MCMDC2: variants seen among roughly 807,000 people sequenced by gnomAD.
MCMDC2 encodes the protein minichromosome maintenance domain containing 2.
A neutral mutation model predicts 75.8 loss-of-function variants in MCMDC2; 54 were observed. The observed-to-expected ratio is 0.71, with a 90% confidence interval of 0.57 to 0.89. The LOEUF (loss-of-function observed/expected upper bound fraction) is 0.89, where lower values mean the gene tolerates loss of function less well. Ranked by LOEUF, MCMDC2 falls within the 40% of genes least tolerant of loss-of-function variation. The pLI is 0.00. For synonymous variants in MCMDC2, 249 were observed against 274.6 expected, an observed-to-expected ratio of 0.91 and a Z score of 0.92; for missense variants, 656 against 780.4, an observed-to-expected ratio of 0.84 and a Z score of 1.90.
At chr8:66,910,034 T>A (rs1351446585) in intron 14 of MCMDC2, among the ~76,000 whole-genome samples, 1 of 152,202 alleles carries the variant, frequency 6.6e-6, no homozygotes, top group Non-Finnish European at 1.5e-5. Flanking sequence ...CTTCAGAGGG[T>A]ACAAGCCCCA....
At chr8:66,905,730 G>C (rs1812879459) in intron 14 of MCMDC2, among the ~76,000 whole-genome samples, 1 of 152,138 alleles carries the variant, frequency 6.6e-6, no homozygotes, top group Non-Finnish European at 1.5e-5. Flanking sequence ...TCATCAGCTG[G>C]GTGTGGTGGC....
intron 14 of MCMDC2, among the ~76,000 whole-genome samples, chr8:66,907,689 G>A (rs528308165): frequency 3.2e-4 from 49 of 152,226 alleles, no homozygotes; most frequent in Non-Finnish European, 6.2e-4. Context: ...CAGTCCCACC[G>A]ACGGTGTAAA....
chr8:66,895,279 C>A (rs952769602), intron 10 of MCMDC2, among the ~76,000 whole-genome samples: 2 of 152,026 alleles, frequency 1.3e-5, no homozygotes, highest in Admixed American at 6.6e-5. Context: ...TGCAGACAGA[C>A]CCTTTGGATA....
chr8:66,925,808 C>T, downstream of MCMDC2, among the ~76,000 whole-genome samples: 1 of 152,172 alleles, frequency 6.6e-6, no homozygotes, highest in Non-Finnish European at 1.5e-5. Context: ...TAGAGCTAGT[C>T]AATGTTTAAT....
chr8:66,902,815 G>T (rs985023551), intron 13 of MCMDC2, among the ~76,000 whole-genome samples: 1 of 140,166 alleles, frequency 7.1e-6, no homozygotes, highest in Non-Finnish European at 1.5e-5. Context: ...ATAGAGAAAA[G>T]AACATTATGA....
rs534940963 is a variant in MCMDC2 at position 66,871,057 on chromosome 8, G to T, written c.-89+226G>T. Among the ~76,000 whole-genome samples the T allele has an allele frequency of 5.9e-5, 9 of 152,304 alleles. No individual in the cohort carries two copies. In the South Asian group the frequency reaches 1.9e-3, roughly 32 times the overall value. On this transcript the variant is annotated intron_variant, in intron 1 of 14. Coordinates refer to ENST00000422365, the MANE Select transcript of MCMDC2 (RefSeq NM_173518.5). Reference sequence around the variant, plus strand: ...CAACACTCGGCGTTCGTTAGACTAAGGGAAGACAGGGAGTTAGAATTTTAT... The same window carrying T: ...CAACACTCGGCGTTCGTTAGACTAATGGAAGACAGGGAGTTAGAATTTTAT...
rs779242086 is a variant in MCMDC2 at position 66,901,171 on chromosome 8, A to C, written c.1627-35A>C. On this transcript the variant is annotated intron_variant, in intron 12 of 14. Coordinates refer to ENST00000422365, the MANE Select transcript of MCMDC2 (RefSeq NM_173518.5). ...TTTCTGTTATATTGATTCCATAATA[A>C]AGCTTGATTATCTTGGATTTTTCAC... The C allele has an allele frequency of 7.3e-6, 11 of 1,503,540 alleles. No homozygotes were observed. The African/African-American group carries it at 9.6e-5, about 13-fold the overall frequency. The allele number at this position is 1,503,540 out of a possible 1,614,324, so 93.1% of individuals were successfully genotyped here.
chr8:66,899,041 A>G (rs1812497186), intron 12 of MCMDC2, among the ~76,000 whole-genome samples: 1 of 152,282 alleles, frequency 6.6e-6, no homozygotes, highest in Non-Finnish European at 1.5e-5. Flanking sequence ...AATAGTAAAA[A>G]GTGAAATAGT....
rs1378314327 is a variant in MCMDC2, at chr8:66,919,038, T to C, written c.1915T>C (p.Phe639Leu). 3.9e-6 allele frequency: 6 copies of C among 1,537,928 alleles called. No homozygotes were observed. Among genetic ancestry groups the C allele is most frequent in the South Asian group, 2.5e-5 (2 of 81,468 alleles). The stretch of plus-strand genomic sequence containing the variant: ...ATTTTGTGTTGCTCCGAATGCAGTA[T>C]TTCCATTTGAACTGTATAATGAAGA... Reference protein sequence around the residue: ...TVFCVAPNAVFPFELYNEEYL... With the variant: ...TVFCVAPNAVLPFELYNEEYL... The change falls in exon 15 of 15, where the codon TTT (phenylalanine) becomes CTT (leucine). Residue 639 changes from phenylalanine to leucine, a missense_variant. Physicochemically the swap from Phe to Leu is conservative, Grantham distance 22 (BLOSUM62 0). Transcript: ENST00000422365.
Position 66,874,351 on chromosome 8 carries a change from TC to T in MCMDC2, c.121del (p.Arg41AspfsTer5). ...NDSKQSYAVY[R>X]FKILINPSDV... Reference sequence around the variant, plus strand: ...ATTCAAAACAAAGCTATGCTGTCTATCGATTCAAAATTTTAATAAATCCCTC... The same window carrying T: ...ATTCAAAACAAAGCTATGCTGTCTATGATTCAAAATTTTAATAAATCCCTC... On this transcript the variant is annotated frameshift_variant, in exon 3 of 15. Coordinates refer to ENST00000422365, the MANE Select transcript of MCMDC2 (RefSeq NM_173518.5). LOFTEE classifies it high-confidence loss of function. The T allele has an allele frequency of 1.2e-6, 2 of 1,612,796 alleles. No homozygotes were observed. The highest frequency in any genetic ancestry group is 1.7e-6 in the Non-Finnish European group (2 of 1,179,656).
chr8:66,874,339 C>T lies in MCMDC2; in HGVS notation c.108C>T (p.Ser36=), dbSNP rs772584605. The change falls in exon 3 of 15, where the codon AGC becomes AGT. Residue 36 remains serine (S), a synonymous_variant. Coordinates refer to ENST00000422365, the MANE Select transcript of MCMDC2 (RefSeq NM_173518.5). ...ATATTTTCATAGATTCAAAACAAAG[C>T]TATGCTGTCTATCGATTCAAAATTT... is the stretch of plus-strand genomic sequence containing the variant. ...DCKYYNDSKQ[S]YAVYRFKILI... 28 of 1,611,374 alleles carry T rather than the reference C, an allele frequency of 1.7e-5. No homozygotes were observed. The highest frequency in any genetic ancestry group is 2.2e-5 in the Non-Finnish European group (26 of 1,179,092).
At chr8:66,910,810 A>C (rs1813083364) in intron 14 of MCMDC2, among the ~76,000 whole-genome samples, 1 of 141,530 alleles carries the variant, frequency 7.1e-6, no homozygotes, top group African/African-American at 2.6e-5. Flanking sequence ...ACTCCATCTC[A>C]AAAAAAAAAA....
intron 9 of MCMDC2, among the ~76,000 whole-genome samples, chr8:66,887,257 T>C (rs1174255176): frequency 1.3e-5 from 2 of 152,040 alleles, no homozygotes; most frequent in Admixed American, 1.3e-4. Context: ...AATCCTTGTC[T>C]GGCTGGGCGC....
At chr8:66,896,026 T>C (rs2130834329) in intron 10 of MCMDC2, 144 bp from the exon 11 acceptor site, 3 of 663,086 alleles carry the variant, frequency 4.5e-6, no homozygotes, top group South Asian at 2.3e-5. Flanking sequence ...ACTTAGAGCA[T>C]TGTCTTGCAA....
At position 66,885,195 on chromosome 8, in the gene MCMDC2, T is replaced by G. The variant is rs183328263; in HGVS notation, c.1073+1201T>G. ...AAAAATACAAAAAATTAGCCAGGTG[T>G]GGTGGCACGCGCCTGTAGTCCCAGC... On this transcript the variant is annotated intron_variant, in intron 9 of 14. Coordinates refer to ENST00000422365, the MANE Select transcript of MCMDC2 (RefSeq NM_173518.5). 3.0e-3 allele frequency among the ~76,000 whole-genome samples: 462 copies of G among 151,730 alleles called. 13 individuals carry two copies. The highest frequency in any genetic ancestry group is 0.028 in the Admixed American group (421 of 15,234).
In MCMDC2 at chr8:66,921,097, TCA is replaced by T. The variant is rs1813509901; in HGVS notation, c.*1929_*1930del. The T allele has an allele frequency of 6.6e-6, 1 of 152,116 alleles. No homozygotes were observed. Among genetic ancestry groups the T allele is most frequent in the African/African-American group, 2.4e-5 (1 of 41,440 alleles). The allele number at this position is 152,116 out of a possible 1,614,324, so 9.4% of individuals were successfully genotyped here. ...TCTCCCCAGCTCAAAAAACCCAACCTCAGTCTCAAAGATGGTTACTTCACCAC... is the reference window on the plus strand; with the variant it reads ...TCTCCCCAGCTCAAAAAACCCAACCTGTCTCAAAGATGGTTACTTCACCAC... On this transcript the variant is annotated 3_prime_UTR_variant, in exon 15 of 15. Coordinates refer to ENST00000422365, the MANE Select transcript of MCMDC2 (RefSeq NM_173518.5).
In MCMDC2 at chr8:66,883,857, A is replaced by G; in HGVS notation, c.936A>G (p.Gln312=). The part of the protein sequence containing the change: ...TAILANIFAS[Q]ITPPGTYNLL... ...TACTTGCCAATATCTTTGCATCACA[A>G]ATTACCCCTCCTGGGACTTACAATT... The change falls in exon 9 of 15, where the codon CAA becomes CAG. Residue 312 remains glutamine (Q), a synonymous_variant. Coordinates refer to ENST00000422365, the MANE Select transcript of MCMDC2 (RefSeq NM_173518.5). 6.2e-7 allele frequency: 1 copy of G among 1,613,954 alleles called. No individual in the cohort carries two copies. Among genetic ancestry groups the G allele is most frequent in the Non-Finnish European group, 8.5e-7 (1 of 1,179,950 alleles).
intron 9 of MCMDC2, among the ~76,000 whole-genome samples, chr8:66,889,888 G>A (rs954495589): frequency 7.9e-5 from 12 of 152,142 alleles, no homozygotes; most frequent in African/African-American, 2.9e-4. Flanking sequence ...CCCCATAATT[G>A]CCATGACAGA....
chr8:66,888,461 T>G (rs1168518548), intron 9 of MCMDC2, among the ~76,000 whole-genome samples: 1 of 152,212 alleles, frequency 6.6e-6, no homozygotes, highest in Non-Finnish European at 1.5e-5. Flanking sequence ...AAATCAATTT[T>G]GGGCAGAATT....
Sources: allele counts gnomAD v4.1 joint callset (sites outside exome capture counted in the v4.1 genomes callset), GRCh38; gene constraint gnomAD v4.1.1; transcripts MANE v1.5; gene names NCBI Gene and HGNC (gene_info 2026-07-23, HGNC 2026-07-21).